GALNT5: variants seen among roughly 807,000 people sequenced by gnomAD.
GALNT5 encodes UDP-GalNAc:polypeptide N-acetylgalactosaminyltransferase 5.
Under a neutral mutation model 85.4 loss-of-function variants are expected in GALNT5, and 72 were observed. That is an observed-to-expected ratio of 0.84 (90% CI 0.70 to 1.03). The LOEUF is 1.03. GALNT5 is among the 50% of genes least tolerant of loss of function. The pLI is 0.00. For missense variants in GALNT5, 1,137 were observed against 1,135.5 expected, an observed-to-expected ratio of 1.00 and a Z score of -0.02; for synonymous variants, 404 against 397.0, an observed-to-expected ratio of 1.02 and a Z score of -0.21.
At chr2:157,284,485 A>C (rs750584805) in intron 2 of GALNT5, 37 bp downstream of exon 2, 1 of 1,581,848 alleles carries the variant, frequency 6.3e-7, no homozygotes, top group Admixed American at 1.7e-5. Context: ...TGAAATTTCA[A>C]AGTTTGGCAG....
At chr2:157,291,227 T>C (rs890841601) in intron 3 of GALNT5, among the ~76,000 whole-genome samples, 1 of 152,170 alleles carries the variant, frequency 6.6e-6, no homozygotes. Context: ...AAAGTAAATA[T>C]TAGGTTTTCA....
chr2:157,296,991 G>A (rs955179592), intron 5 of GALNT5, among the ~76,000 whole-genome samples: 2 of 152,136 alleles, frequency 1.3e-5, no homozygotes, highest in Non-Finnish European at 2.9e-5. Flanking sequence ...TTCAGAAGCT[G>A]GATATGAATT....
chr2:157,259,193 C>G lies in GALNT5; in HGVS notation c.1111C>G (p.Leu371Val). 1 of 1,555,750 alleles carries G rather than the reference C, an allele frequency of 6.4e-7. No homozygotes were observed. The highest frequency in any genetic ancestry group is 8.7e-7 in the Non-Finnish European group (1 of 1,155,780). The stretch of plus-strand genomic sequence containing the variant: ...TAGAAGTGAGATGTCTTCCTCTTCA[C>G]TTGCTCCACATAGAGTGCCACTGTC... ...RNRSEMSSSS[L>V]APHRVPLSQT... The change falls in exon 1 of 10, where the codon CTT becomes GTT. Residue 371 changes from leucine (L) to valine (V), a missense_variant. Physicochemically the swap from Leu to Val is conservative, Grantham distance 32. Coordinates refer to ENST00000259056, the MANE Select transcript of GALNT5 (RefSeq NM_014568.3).
At chr2:157,285,911 T>C (rs1203954178) in intron 2 of GALNT5, 104 bp from the exon 3 acceptor site, 1 of 697,568 alleles carries the variant, frequency 1.4e-6, no homozygotes, top group Non-Finnish European at 2.5e-6. Context: ...TCAGTGATGA[T>C]GGTAATGTCA....
At chr2:157,283,132 A>G (rs1351178052) in intron 1 of GALNT5, among the ~76,000 whole-genome samples, 1 of 152,208 alleles carries the variant, frequency 6.6e-6, no homozygotes, top group Non-Finnish European at 1.5e-5. Context: ...TTCGAGTCCC[A>G]GCTCTGCCAT....
intron 3 of GALNT5, among the ~76,000 whole-genome samples, chr2:157,294,472 C>T (rs1343825338): frequency 6.6e-6 from 1 of 152,138 alleles, no homozygotes; most frequent in Admixed American, 6.5e-5. Flanking sequence ...AGACCCATTC[C>T]ATCTCCAATA....
Position 157,296,522 on chromosome 2 carries a change from G to A in GALNT5, c.1997+9G>A. ...GAAACTGATACAATAAGGTAAGTGTGGGAAATTTAAGACTAGAAAGCAGTC... is the reference window on the plus strand; with the variant it reads ...GAAACTGATACAATAAGGTAAGTGTAGGAAATTTAAGACTAGAAAGCAGTC... On this transcript the variant is annotated intron_variant, in intron 5 of 9. Coordinates refer to ENST00000259056, the MANE Select transcript of GALNT5 (RefSeq NM_014568.3). The A allele has an allele frequency of 1.2e-6, 2 of 1,602,208 alleles. No homozygotes were observed. The highest frequency in any genetic ancestry group is 1.7e-6 in the Non-Finnish European group (2 of 1,171,446).
intron 1 of GALNT5, among the ~76,000 whole-genome samples, chr2:157,268,117 G>A (rs1682498044): frequency 6.6e-6 from 1 of 152,148 alleles, no homozygotes; most frequent in Non-Finnish European, 1.5e-5. Context: ...TATTCTCCTT[G>A]ACCTTCTGTT....
intron 1 of GALNT5, among the ~76,000 whole-genome samples, chr2:157,283,775 T>G (rs1682906390): frequency 6.6e-6 from 1 of 152,194 alleles, no homozygotes; most frequent in Admixed American, 6.5e-5. Flanking sequence ...TAAATTCCTG[T>G]GCCAGGAACC....
Position 157,317,494 on chromosome 2 carries a change from A to C in GALNT5, c.*6146A>C, listed in dbSNP as rs1356846097. Among the ~76,000 whole-genome samples, 1 of 152,132 alleles carries C rather than the reference A, an allele frequency of 6.6e-6. No individual in the cohort carries two copies. The highest frequency in any genetic ancestry group is 1.5e-5 in the Non-Finnish European group (1 of 67,988). On this transcript the variant is annotated 3_prime_UTR_variant, in exon 10 of 10. Transcript: ENST00000259056. ...CAAATTTGCTAGTTTTATACATATT[A>C]GCTTAAAAACAAGAGAAGCCAAAGA...
intron 1 of GALNT5, among the ~76,000 whole-genome samples, chr2:157,267,666 A>G (rs1238056896): frequency 6.6e-6 from 1 of 152,188 alleles, no homozygotes; most frequent in Non-Finnish European, 1.5e-5. Context: ...CTCAAAACAG[A>G]CTATTGTTGA....
At chr2:157,287,602 T>C (rs1683008946) in intron 3 of GALNT5, among the ~76,000 whole-genome samples, 1 of 152,208 alleles carries the variant, frequency 6.6e-6, no homozygotes, top group Non-Finnish European at 1.5e-5. Flanking sequence ...TTCGTAATGT[T>C]TTAATTCTAT....
intron 1 of GALNT5, among the ~76,000 whole-genome samples, chr2:157,273,597 T>A (rs911780810): frequency 1.9e-4 from 29 of 148,916 alleles, no homozygotes; most frequent in Non-Finnish European, 3.6e-4. Flanking sequence ...GAAGCCATTT[T>A]AAATTTTTTA....
In GALNT5 at chr2:157,300,916, A is replaced by C; in HGVS notation, c.2356A>C (p.Lys786Gln). 6.2e-7 allele frequency: 1 copy of C among 1,614,144 alleles called. No homozygotes were observed. Among genetic ancestry groups the C allele is most frequent in the African/African-American group, 1.3e-5 (1 of 75,050 alleles). The change falls in exon 7 of 10, where the codon AAA becomes CAA. Residue 786 changes from lysine (K) to glutamine (Q), a missense_variant. Lys to Gln is a moderately conservative substitution (Grantham distance 53, BLOSUM62 1). Coordinates refer to ENST00000259056, the MANE Select transcript of GALNT5 (RefSeq NM_014568.3). ...CACCCAGCAAAGGGAGCTGCGAAAG[A>C]AACTGAAGTGCAAAAGTTTCAAATG... Reference protein sequence around the residue: ...NLTQQRELRKKLKCKSFKWYL... With the variant: ...NLTQQRELRKQLKCKSFKWYL...
At chr2:157,264,864 A>C (rs887623223) in intron 1 of GALNT5, among the ~76,000 whole-genome samples, 1 of 152,168 alleles carries the variant, frequency 6.6e-6, no homozygotes, top group African/African-American at 2.4e-5. Flanking sequence ...TTTAAAGTTA[A>C]ATTAAATTTA....
chr2:157,284,579 C>T (rs184966944), intron 2 of GALNT5, 131 bp downstream of exon 2: 14 of 691,442 alleles, frequency 2.0e-5, no homozygotes, highest in East Asian at 1.9e-4. Context: ...CTTTGTTTTA[C>T]GTGGAGCCTC....
intron 3 of GALNT5, among the ~76,000 whole-genome samples, chr2:157,290,112 T>TATATATATATATATATATAC (rs1416458086): frequency 1.4e-5 from 2 of 138,234 alleles, no homozygotes; most frequent in African/African-American, 6.2e-5. Context: ...TATATATATA[T>TATATATATATATATATATAC]ACATACACAA....
intron 1 of GALNT5, among the ~76,000 whole-genome samples, chr2:157,271,706 G>A (rs1682589178): frequency 6.6e-6 from 1 of 152,144 alleles, no homozygotes; most frequent in Non-Finnish European, 1.5e-5. Context: ...GGGTTGAGTG[G>A]GGTGAAGTCA....
intron 6 of GALNT5, among the ~76,000 whole-genome samples, chr2:157,300,451 G>A (rs190762924): frequency 1.3e-5 from 2 of 152,212 alleles, no homozygotes; most frequent in African/African-American, 4.8e-5. Context: ...AACTTACATT[G>A]AAAGTTAGGA....
Sources: allele counts gnomAD v4.1 joint callset (sites outside exome capture counted in the v4.1 genomes callset), GRCh38; gene constraint gnomAD v4.1.1; transcripts MANE v1.5; gene names NCBI Gene and HGNC (gene_info 2026-07-23, HGNC 2026-07-21).